The following GNAI1 variants were observed in gnomAD, a reference collection of about 807,000 sequenced individuals.
GNAI1 encodes the protein G protein subunit alpha i1.
Under a neutral mutation model 38.9 loss-of-function variants are expected in GNAI1, and 11 were observed. That is an observed-to-expected ratio of 0.28 (90% CI 0.18 to 0.47). The LOEUF (loss-of-function observed/expected upper bound fraction) is 0.47. Ranked by LOEUF, GNAI1 falls within the 20% of genes least tolerant of loss-of-function variation. The probability of loss-of-function intolerance (pLI) is 0.99; values close to 1 mark genes in which losing one functional copy is unlikely to be tolerated. For synonymous variants in GNAI1, 166 were observed against 145.1 expected, an observed-to-expected ratio of 1.14 and a Z score of -1.04; for missense variants, 317 against 436.9, an observed-to-expected ratio of 0.73 and a Z score of 2.45.
At chr7:80,160,105 C>T (rs1787895343) in intron 1 of GNAI1, among the ~76,000 whole-genome samples, 1 of 152,054 alleles carries the variant, frequency 6.6e-6, no homozygotes, top group Admixed American at 6.6e-5. Flanking sequence ...TAAAGCCTCT[C>T]TGGGAAGATG....
intron 1 of GNAI1, among the ~76,000 whole-genome samples, chr7:80,142,431 C>A (rs1736080501): frequency 6.6e-6 from 1 of 152,150 alleles, no homozygotes; most frequent in Admixed American, 6.5e-5. Context: ...GACATTTTTC[C>A]TGATCATCCA....
intron 1 of GNAI1, among the ~76,000 whole-genome samples, chr7:80,148,754 A>C (rs1787672247): frequency 6.6e-6 from 1 of 152,260 alleles, no homozygotes; most frequent in African/African-American, 2.4e-5. Context: ...TCTGAAAGTT[A>C]GGATTAGCTA....
At chr7:80,144,246 A>G (rs1489429578) in intron 1 of GNAI1, among the ~76,000 whole-genome samples, 1 of 148,222 alleles carries the variant, frequency 6.7e-6, no homozygotes, top group African/African-American at 2.5e-5. Context: ...TTTTTTTTGG[A>G]AAATAAAGCT....
At position 80,218,830 on chromosome 7, in the gene GNAI1, C is replaced by G. The variant is rs1452572872; in HGVS notation, c.*1337C>G. ...TGCTCAAATAAGTGTTATGTATCAG[C>G]TAGATACTGAGCTTTGATAGAATAA... On this transcript the variant is annotated 3_prime_UTR_variant, in exon 8 of 8. Transcript: ENST00000649796. 1.3e-5 allele frequency: 2 copies of G among 152,196 alleles called. No individual in the cohort carries two copies. The highest frequency in any genetic ancestry group is 3.9e-4 in the East Asian group (2 of 5,172). 9.4% of individuals were successfully genotyped at this position (152,196 alleles called of 1,614,324 possible).
At chr7:80,194,495 A>G (rs1236743482) in intron 3 of GNAI1, among the ~76,000 whole-genome samples, 1 of 152,144 alleles carries the variant, frequency 6.6e-6, no homozygotes, top group African/African-American at 2.4e-5. Context: ...ATTGTGTTTA[A>G]ATGTAGAACA....
At chr7:80,143,553 G>C (rs1330725602) in intron 1 of GNAI1, among the ~76,000 whole-genome samples, 1 of 151,972 alleles carries the variant, frequency 6.6e-6, no homozygotes, top group Non-Finnish European at 1.5e-5. Context: ...TCCCCTCCAA[G>C]GTTTATTTAG....
intron 1 of GNAI1, among the ~76,000 whole-genome samples, chr7:80,181,323 A>G (rs1475188777): frequency 6.6e-6 from 1 of 152,216 alleles, no homozygotes; most frequent in Non-Finnish European, 1.5e-5. Context: ...CATTTGCTTA[A>G]GTATCTTAGG....
intron 1 of GNAI1, among the ~76,000 whole-genome samples, chr7:80,156,986 A>G (rs993395974): frequency 6.6e-6 from 1 of 152,202 alleles, no homozygotes; most frequent in Non-Finnish European, 1.5e-5. Context: ...TTAGTTTTAC[A>G]TTAGAGTTTA....
Position 80,219,694 on chromosome 7 carries a change from C to T in GNAI1, c.*2201C>T, listed in dbSNP as rs1238738199. 6.6e-6 allele frequency among the ~76,000 whole-genome samples: 1 copy of T among 152,144 alleles called. No individual in the cohort carries two copies. Among genetic ancestry groups the T allele is most frequent in the Middle Eastern group, 3.2e-3 (1 of 316 alleles). On this transcript the variant is annotated 3_prime_UTR_variant, in exon 8 of 8. Transcript: ENST00000649796. The stretch of plus-strand genomic sequence containing the variant: ...CTTTGCCATTTTTCCTTACTAAGTA[C>T]CATCATCATTTATTCCTTCAATGGG...
intron 1 of GNAI1, among the ~76,000 whole-genome samples, chr7:80,176,236 C>A (rs185662382): frequency 6.6e-6 from 1 of 152,270 alleles, no homozygotes; most frequent in East Asian, 1.9e-4. Context: ...TAAGCCAAAG[C>A]CTAAGCCGTA....
rs1159254689 is a variant in GNAI1, at chr7:80,219,255, C to CTATAA, written c.*1766_*1770dup. 6.6e-6 allele frequency: 1 copy of CTATAA among 152,448 alleles called. No individual in the cohort carries two copies. Among genetic ancestry groups the CTATAA allele is most frequent in the Non-Finnish European group, 1.5e-5 (1 of 68,014 alleles). 9.4% of individuals were successfully genotyped at this position (152,448 alleles called of 1,614,324 possible). ...TTGTGAAGCTGTGTATGAAATTCAA[C>CTATAA]TATAATATGAATAAATTTGAATCAT... On this transcript the variant is annotated 3_prime_UTR_variant, in exon 8 of 8. Coordinates refer to ENST00000649796, the MANE Select transcript of GNAI1 (RefSeq NM_002069.6).
chr7:80,135,359 G>A (rs1583996820), intron 1 of GNAI1, 81 bp downstream of exon 1: 1 of 823,442 alleles, frequency 1.2e-6, no homozygotes, highest in Non-Finnish European at 1.7e-6. Flanking sequence ...TTGGAAACCC[G>A]GAGGGAAGGG....
chr7:80,210,459 G>C (rs143400262), intron 5 of GNAI1, among the ~76,000 whole-genome samples: 1 of 152,000 alleles, frequency 6.6e-6, no homozygotes, highest in African/African-American at 2.4e-5. Flanking sequence ...TACCTGAAAT[G>C]GTTTCTTCTT....
intron 1 of GNAI1, among the ~76,000 whole-genome samples, chr7:80,157,870 C>A (rs894226333): frequency 6.6e-6 from 1 of 152,024 alleles, no homozygotes; most frequent in African/African-American, 2.4e-5. Context: ...AAACACCCGG[C>A]TAATTTTTTT....
At chr7:80,160,831 T>A (rs1476193580) in intron 1 of GNAI1, among the ~76,000 whole-genome samples, 1 of 152,144 alleles carries the variant, frequency 6.6e-6, no homozygotes, top group Non-Finnish European at 1.5e-5. Context: ...TCTTTCCATT[T>A]AATTCCATTA....
intron 7 of GNAI1, 79 bp from the exon 8 acceptor site, chr7:80,217,224 A>ATGTATGAAACTGACTTCAGTTTCATG: frequency 1.1e-6 from 1 of 903,460 alleles, no homozygotes. Context: ...TCAGTTTCAT[A>ATGTATGAAACTGACTTCAGTTTCATG]TGTATGAAAC....
chr7:80,222,088 C>T lies in GNAI1; in HGVS notation c.*4595C>T, dbSNP rs1199488016. Reference sequence around the variant, plus strand: ...TTTGCTTTGGTGTCTGTTGTGATTTCTCTTATTTAGTTGGATTTTGTAGTT... The same window carrying T: ...TTTGCTTTGGTGTCTGTTGTGATTTTTCTTATTTAGTTGGATTTTGTAGTT... On this transcript the variant is annotated 3_prime_UTR_variant, in exon 8 of 8. Coordinates refer to ENST00000649796, the MANE Select transcript of GNAI1 (RefSeq NM_002069.6). Among the ~76,000 whole-genome samples, 2 of 151,978 alleles carry T rather than the reference C, an allele frequency of 1.3e-5. No individual in the cohort carries two copies.
chr7:80,146,241 A>G (rs535635322), intron 1 of GNAI1, among the ~76,000 whole-genome samples: 6 of 152,132 alleles, frequency 3.9e-5, no homozygotes, highest in African/African-American at 4.8e-5. Context: ...TGACTGCTCC[A>G]GTTGCTCCTA....
chr7:80,174,594 T>C (rs902795738), intron 1 of GNAI1, among the ~76,000 whole-genome samples: 3 of 151,994 alleles, frequency 2.0e-5, no homozygotes, highest in Non-Finnish European at 4.4e-5. Flanking sequence ...TGGTTTTACT[T>C]TTTTTCTTCA....
Sources: allele counts gnomAD v4.1 joint callset (sites outside exome capture counted in the v4.1 genomes callset), GRCh38; gene constraint gnomAD v4.1.1; transcripts MANE v1.5; gene names NCBI Gene and HGNC (gene_info 2026-07-23, HGNC 2026-07-21).